FNTA: variants seen among roughly 807,000 people sequenced by gnomAD.
FNTA encodes farnesyltransferase, CAAX box, subunit alpha.
In FNTA, 27 loss-of-function variants were observed where a neutral mutation model predicts 55.2. The observed-to-expected ratio is 0.49, with a 90% confidence interval of 0.36 to 0.67. FNTA has a LOEUF of 0.67. Ranked by LOEUF, FNTA falls within the 30% of genes least tolerant of loss-of-function variation. The pLI is 0.00. For missense variants in FNTA, 422 were observed against 464.7 expected, an observed-to-expected ratio of 0.91 and a Z score of 0.85; for synonymous variants, 176 against 170.7, an observed-to-expected ratio of 1.03 and a Z score of -0.24.
intron 3 of FNTA, among the ~76,000 whole-genome samples, chr8:43,065,727 G>A (rs1428311127): frequency 1.3e-5 from 2 of 151,268 alleles, no homozygotes; most frequent in African/African-American, 4.9e-5. Context: ...CTGCATACCT[G>A]GTTTTCAGCT....
At chr8:43,078,968 C>T (rs1810967720) in intron 6 of FNTA, 1 of 152,384 alleles carries the variant, frequency 6.6e-6, no homozygotes, top group Non-Finnish European at 1.5e-5. Context: ...ACAACATTCC[C>T]TTAAGCCAAA....
chr8:43,070,738 T>G (rs1289022582), intron 4 of FNTA, among the ~76,000 whole-genome samples: 1 of 152,254 alleles, frequency 6.6e-6, no homozygotes, highest in Non-Finnish European at 1.5e-5. Context: ...ACCAGTGTAG[T>G]ACAGGCGATG....
intron 2 of FNTA, among the ~76,000 whole-genome samples, chr8:43,062,076 G>A (rs544109351): frequency 3.9e-5 from 6 of 152,088 alleles, no homozygotes; most frequent in Middle Eastern, 6.8e-3. Flanking sequence ...ACAGTGAATC[G>A]GATTTTGGTT....
In FNTA at chr8:43,083,197, G is replaced by C. The variant is rs1209643582; in HGVS notation, c.845+17G>C. 1 of 1,524,300 alleles carries C rather than the reference G, an allele frequency of 6.6e-7. No homozygotes were observed. The highest frequency in any genetic ancestry group is 8.9e-7 in the Non-Finnish European group (1 of 1,121,922). 94.4% of individuals were successfully genotyped at this position (1,524,300 alleles called of 1,614,324 possible). ...TTTGAAAGGGTAAGAGGTTGTTTTTGCTTTTTTTATATATAAAAAAGAAGT... is the reference window on the plus strand; with the variant it reads ...TTTGAAAGGGTAAGAGGTTGTTTTTCCTTTTTTTATATATAAAAAAGAAGT... On this transcript the variant is annotated intron_variant, in intron 7 of 8. Transcript: ENST00000302279.
chr8:43,065,341 A>G (rs1210237141), intron 3 of FNTA, among the ~76,000 whole-genome samples: 2 of 150,008 alleles, frequency 1.3e-5, no homozygotes, highest in East Asian at 4.0e-4. Flanking sequence ...TCTGCCTACC[A>G]GATTCAAGTG....
intron 2 of FNTA, 125 bp from the exon 3 acceptor site, chr8:43,063,975 AT>A (rs1304326822): frequency 6.2e-6 from 4 of 647,358 alleles, no homozygotes; most frequent in African/African-American, 5.5e-5. Context: ...ATTTGACTTT[AT>A]TTTGCTTGTT....
Position 43,085,268 on chromosome 8 carries a change from A to G in FNTA, c.1126A>G (p.Asn376Asp). The G allele has an allele frequency of 1.2e-6, 2 of 1,606,194 alleles. No individual in the cohort carries two copies. Among genetic ancestry groups the G allele is most frequent in the Non-Finnish European group, 1.7e-6 (2 of 1,178,632 alleles). The change falls in exon 9 of 9, where the codon AAT becomes GAT. Residue 376 changes from asparagine (N) to aspartate (D), a missense_variant. Around this residue, in one of 2 missense-constraint regions of FNTA, gnomAD observed 262 missense variants for 343.1 expected, o/e 0.76. Transcript: ENST00000302279. ...KHSTENDSPT[N>D]VQQ ...CAGCACAGAAAATGACTCACCAACAAATGTACAGCAATAACACCATCCAGA... is the reference window on the plus strand; with the variant it reads ...CAGCACAGAAAATGACTCACCAACAGATGTACAGCAATAACACCATCCAGA...
Position 43,077,379 on chromosome 8 carries a change from T to A in FNTA, c.782+15T>A. On this transcript the variant is annotated intron_variant, in intron 6 of 8. Transcript: ENST00000302279. Reference sequence around the variant, plus strand: ...AGAGAAGTCCAGTTAGTAATCTCCTTCACTTGCTCATTCGTTACAAACATG... The same window carrying A: ...AGAGAAGTCCAGTTAGTAATCTCCTACACTTGCTCATTCGTTACAAACATG... The A allele has an allele frequency of 6.3e-7, 1 of 1,593,630 alleles. No individual in the cohort carries two copies. Among genetic ancestry groups the A allele is most frequent in the Non-Finnish European group, 8.6e-7 (1 of 1,166,598 alleles).
At chr8:43,064,297 T>G (rs758039735) in intron 3 of FNTA, 82 bp downstream of exon 3, 86 of 867,960 alleles carry the variant, frequency 9.9e-5, no homozygotes, top group Non-Finnish European at 1.5e-4. Flanking sequence ...GTACTTTAAT[T>G]TTTTTAAACT....
Position 43,056,395 on chromosome 8 carries a change from G to C in FNTA, c.49G>C (p.Gly17Arg). ...GGAGGCTGCGCAAGGGGGCGAGCCC[G>C]GGCAGCCGGCGCAACCCCCGCCCCA... is the stretch of plus-strand genomic sequence containing the variant. Reference protein sequence around the residue: ...VGEAAQGGEPGQPAQPPPQPH... With the variant: ...VGEAAQGGEPRQPAQPPPQPH... The change falls in exon 1 of 9, where the codon GGG becomes CGG. Residue 17 changes from glycine (G) to arginine (R), a missense_variant. By Grantham distance (125) the Gly-to-Arg change is moderately radical. Around this residue, in one of 2 missense-constraint regions of FNTA, gnomAD observed 160 missense variants for 121.6 expected, o/e 1.32. Transcript: ENST00000302279. 6.6e-7 allele frequency: 1 copy of C among 1,506,542 alleles called. No individual in the cohort carries two copies. The highest frequency in any genetic ancestry group is 1.3e-5 in the South Asian group (1 of 79,702). The allele number at this position is 1,506,542 out of a possible 1,614,324, so 93.3% of individuals were successfully genotyped here.
intron 6 of FNTA, chr8:43,082,044 T>A (rs1811036493): frequency 6.6e-6 from 1 of 152,154 alleles, no homozygotes; most frequent in Admixed American, 6.6e-5. Flanking sequence ...TGGAAAAGTA[T>A]TTTTATAATG....
chr8:43,064,788 G>A (rs1278039123), intron 3 of FNTA, among the ~76,000 whole-genome samples: 2 of 151,410 alleles, frequency 1.3e-5, no homozygotes, highest in East Asian at 1.9e-4. Flanking sequence ...TAGATAATTT[G>A]CTTAACTGTT....
At chr8:43,080,538 G>T (rs1312077878) in intron 6 of FNTA, 1 of 152,152 alleles carries the variant, frequency 6.6e-6, no homozygotes, top group Non-Finnish European at 1.5e-5. Context: ...GAAAAGTCGT[G>T]TGACTTGCTT....
intron 5 of FNTA, among the ~76,000 whole-genome samples, chr8:43,073,065 A>G (rs1220174914): frequency 1.3e-5 from 2 of 152,152 alleles, no homozygotes; most frequent in African/African-American, 2.4e-5. Flanking sequence ...TATTTATTTT[A>G]AACAGTTCTA....
rs182377493 is a variant in FNTA, at chr8:43,067,422, C to T, written c.402-2133C>T. On this transcript the variant is annotated intron_variant, in intron 3 of 8. Coordinates refer to ENST00000302279, the MANE Select transcript of FNTA (RefSeq NM_002027.3). ...TCTCTTTGTTCTTGTGGGTTTATTC[C>T]TTTGTTGTCATTTTAGTGGGGTTTT... is the stretch of plus-strand genomic sequence containing the variant. Among the ~76,000 whole-genome samples, 330 of 152,168 alleles carry T rather than the reference C, an allele frequency of 2.2e-3. 2 individuals are homozygous for T. The highest frequency in any genetic ancestry group is 7.7e-3 in the African/African-American group (321 of 41,522).
At chr8:43,058,551 C>T (rs1217670177) in intron 1 of FNTA, among the ~76,000 whole-genome samples, 1 of 152,114 alleles carries the variant, frequency 6.6e-6, no homozygotes, top group Non-Finnish European at 1.5e-5. Flanking sequence ...GCGGGCGGAT[C>T]ACCAGGTCAA....
intron 1 of FNTA, chr8:43,058,889 T>C (rs918742404): frequency 7.4e-6 from 3 of 407,590 alleles, no homozygotes; most frequent in Non-Finnish European, 1.3e-5. Flanking sequence ...CTGAGGGTTA[T>C]TTGTTTTAAT....
At chr8:43,059,554 A>G (rs1810485428) in intron 2 of FNTA, among the ~76,000 whole-genome samples, 1 of 152,198 alleles carries the variant, frequency 6.6e-6, no homozygotes. Context: ...GGATTTAAAC[A>G]TATATTTTGG....
Position 43,059,552 on chromosome 8 carries a change from A to G in FNTA, c.286+375A>G, listed in dbSNP as rs1810485392. Among the ~76,000 whole-genome samples, 3 of 152,176 alleles carry G rather than the reference A, an allele frequency of 2.0e-5. 1 individual carries two copies. The highest frequency in any genetic ancestry group is 2.0e-4 in the Admixed American group (3 of 15,270). On this transcript the variant is annotated intron_variant, in intron 2 of 8. Transcript: ENST00000302279. ...TGGTTGCTGAAACATCAGGATTTAA[A>G]CATATATTTTGGCAGTGAAGTGTTC...
Sources: allele counts gnomAD v4.1 joint callset (sites outside exome capture counted in the v4.1 genomes callset), GRCh38; gene constraint gnomAD v4.1.1; regional missense constraint gnomAD v4.1.1; transcripts MANE v1.5; gene names NCBI Gene and HGNC (gene_info 2026-07-23, HGNC 2026-07-21).